The following AOC3 variants were observed in gnomAD, a reference collection of about 807,000 sequenced individuals.
AOC3 encodes the protein amine oxidase [copper-containing] 3.
A neutral mutation model predicts 55.4 loss-of-function variants in AOC3; 47 were observed. The ratio of observed to expected loss-of-function variants is 0.85; its 90% CI spans 0.67 to 1.08. The LOEUF (loss-of-function observed/expected upper bound fraction) is 1.08, where lower values mean the gene tolerates loss of function less well. Ranked by LOEUF, AOC3 falls within the 50% of genes least tolerant of loss-of-function variation. The pLI is 0.00. For missense variants in AOC3, 853 were observed against 993.1 expected, an observed-to-expected ratio of 0.86 and a Z score of 1.90; for synonymous variants, 386 against 410.7, an observed-to-expected ratio of 0.94 and a Z score of 0.73.
Position 42,856,394 on chromosome 17 carries a change from C to T in AOC3, c.2136C>T (p.Asp712=), listed in dbSNP as rs769070236. The T allele has an allele frequency of 1.2e-5, 19 of 1,614,062 alleles. No individual in the cohort carries two copies. Among genetic ancestry groups the T allele is most frequent in the South Asian group, 6.6e-5 (6 of 91,084 alleles). The change falls in exon 4 of 4, where the codon GAC becomes GAT. Residue 712 remains aspartate (D), a synonymous_variant. Transcript: ENST00000308423. The part of the protein sequence containing the change: ...GFFLRPYNFF[D]EDPSFYSADS... ...TCCTCCGACCCTATAACTTCTTTGA[C>T]GAAGACCCCTCCTTCTACTCTGCCG...
rs113870367 is a variant in AOC3, at chr17:42,856,247, C to T, written c.2017-28C>T. 4.0e-5 allele frequency: 65 copies of T among 1,608,972 alleles called. No homozygotes were observed. The South Asian group carries it at 5.0e-4, about 12-fold the overall frequency. On this transcript the variant is annotated intron_variant, in intron 3 of 3. Coordinates refer to ENST00000308423, the MANE Select transcript of AOC3 (RefSeq NM_003734.4). The stretch of plus-strand genomic sequence containing the variant: ...GCATGTCCTCAGCAAAGCCAGACCT[C>T]GTGATCCTCTTTCTTCTCCCCTGCT...
chr17:42,854,541 C>T lies in AOC3; in HGVS notation c.1694C>T (p.Thr565Ile). The T allele has an allele frequency of 6.2e-7, 1 of 1,610,800 alleles. No individual in the cohort carries two copies. Among genetic ancestry groups the T allele is most frequent in the Non-Finnish European group, 8.5e-7 (1 of 1,178,424 alleles). ...CACCAGCTGCAGAGGCTGCAGGTGA[C>T]CCGGAAGCTGCTGGAGATGGAGGAG... is the stretch of plus-strand genomic sequence containing the variant. ...PEHQLQRLQV[T>I]RKLLEMEEQA... Residue 565 changes from threonine (T) to isoleucine (I), a missense_variant, in exon 2 of 4, where the codon ACC becomes ATC. Coordinates refer to ENST00000308423, the MANE Select transcript of AOC3 (RefSeq NM_003734.4).
rs558176347 is a variant in AOC3, at chr17:42,852,494, A to G, written c.1151A>G (p.Tyr384Cys). ...GNSPAAMTTR[Y>C]VDGGFGMGKY... ...TCCCCAGCAGCAATGACGACCCGCTATGTGGATGGAGGCTTTGGCATGGGC... is the reference window on the plus strand; with the variant it reads ...TCCCCAGCAGCAATGACGACCCGCTGTGTGGATGGAGGCTTTGGCATGGGC... Residue 384 changes from tyrosine to cysteine, a missense_variant, in exon 1 of 4, where the codon TAT becomes TGT. Physicochemically the swap from Tyr to Cys is radical, Grantham distance 194 (BLOSUM62 -2). Coordinates refer to ENST00000308423, the MANE Select transcript of AOC3 (RefSeq NM_003734.4). 1.9e-4 allele frequency: 309 copies of G among 1,614,210 alleles called. 5 individuals are homozygous for G. The South Asian group carries it at 3.1e-3, about 16-fold the overall frequency.
chr17:42,852,870 C>T lies in AOC3; in HGVS notation c.1527C>T (p.Asn509=), dbSNP rs1250452328. 1.9e-6 allele frequency: 3 copies of T among 1,613,300 alleles called. No individual in the cohort carries two copies. The highest frequency in any genetic ancestry group is 2.5e-6 in the Non-Finnish European group (3 of 1,179,334). The change falls in exon 1 of 4, where the codon AAC becomes AAT. Residue 509 remains asparagine (N), a synonymous_variant. Transcript: ENST00000308423. ...TTGGTGCTACTGGGAAGTACGGGAA[C>T]CAAGTGTCAGAGCACACCCTGGGCA... The part of the protein sequence containing the change: ...FLFGATGKYG[N]QVSEHTLGTV...
In AOC3 at chr17:42,854,132, T is replaced by C. The variant is rs544829713; in HGVS notation, c.1601-316T>C. 7 of 218,528 alleles carry C rather than the reference T, an allele frequency of 3.2e-5. No homozygotes were observed. The South Asian group carries it at 1.3e-3, about 40-fold the overall frequency. 13.5% of individuals were successfully genotyped at this position (218,528 alleles called of 1,614,324 possible). On this transcript the variant is annotated intron_variant, in intron 1 of 3. Transcript: ENST00000308423. ...ACAGGACAGGCCAGTCAGTGGTTTG[T>C]CTGTCTGCGTGGAAAGCAAGAGGGT...
Position 42,851,445 on chromosome 17 carries a change from A to T in AOC3, c.102A>T (p.Glu34Asp). The T allele has an allele frequency of 1.2e-6, 2 of 1,614,016 alleles. No individual in the cohort carries two copies. Among genetic ancestry groups the T allele is most frequent in the Non-Finnish European group, 1.7e-6 (2 of 1,179,988 alleles). The change falls in exon 1 of 4, where the codon GAA (glutamate) becomes GAT (aspartate). Residue 34 changes from glutamate to aspartate, a missense_variant. Coordinates refer to ENST00000308423, the MANE Select transcript of AOC3 (RefSeq NM_003734.4). ...TGGGCAGGGGTGGAGATGGGGGTGA[A>T]CCCAGCCAGCTTCCCCATTGCCCCT... ...LLVGRGGDGG[E>D]PSQLPHCPSV...
rs1238852762 is a variant in AOC3 at position 42,856,423 on chromosome 17, C to A, written c.2165C>A (p.Ser722Tyr). ...DEDPSFYSAD[S>Y]IYFRGDQDAG... Reference sequence around the variant, plus strand: ...GACCCCTCCTTCTACTCTGCCGACTCCATCTACTTCCGAGGGGACCAGGAT... The same window carrying A: ...GACCCCTCCTTCTACTCTGCCGACTACATCTACTTCCGAGGGGACCAGGAT... The change falls in exon 4 of 4, where the codon TCC becomes TAC. Residue 722 changes from serine (S) to tyrosine (Y), a missense_variant. Coordinates refer to ENST00000308423, the MANE Select transcript of AOC3 (RefSeq NM_003734.4). 5 of 1,614,072 alleles carry A rather than the reference C, an allele frequency of 3.1e-6. No homozygotes were observed. The highest frequency in any genetic ancestry group is 4.2e-6 in the Non-Finnish European group (5 of 1,180,030).
rs1372429919 is a variant in AOC3 at position 42,854,580 on chromosome 17, T to C, written c.1733T>C (p.Leu578Pro). 2 of 1,610,062 alleles carry C rather than the reference T, an allele frequency of 1.2e-6. No individual in the cohort carries two copies. The highest frequency in any genetic ancestry group is 1.7e-6 in the Non-Finnish European group (2 of 1,178,082). The change falls in exon 2 of 4, where the codon CTC becomes CCC. Residue 578 changes from leucine to proline, a missense_variant. Coordinates refer to ENST00000308423, the MANE Select transcript of AOC3 (RefSeq NM_003734.4). ...LLEMEEQAAF[L>P]VGSATPRYLY... ...GAGATGGAGGAGCAGGCCGCCTTCC[T>C]CGTGGGAAGCGCCACCCCTCGCTAC...
At chr17:42,854,773 G>T (rs1358549201) in intron 2 of AOC3, 40 bp downstream of exon 2, 1 of 1,448,346 alleles carries the variant, frequency 6.9e-7, no homozygotes. Flanking sequence ...GGCAGTGAGA[G>T]TGGGAAAGGA....
In AOC3 at chr17:42,852,759, CTA is replaced by C. The variant is rs752161602; in HGVS notation, c.1418_1419del (p.Tyr473CysfsTer83). The C allele has an allele frequency of 1.6e-4, 258 of 1,614,176 alleles. No individual in the cohort carries two copies. Among genetic ancestry groups the C allele is most frequent in the Non-Finnish European group, 1.7e-4 (202 of 1,179,988 alleles). ...RSMSTLLNYDYVWDTVFHPSG... is the reference protein window; with the variant it reads ...RSMSTLLNYDXVWDTVFHPSG... ...CTATGTCCACCTTGCTCAACTATGA[CTA>C]TGTGTGGGATACGGTCTTCCACCCC... On this transcript the variant is annotated frameshift_variant, in exon 1 of 4. Coordinates refer to ENST00000308423, the MANE Select transcript of AOC3 (RefSeq NM_003734.4). LOFTEE classifies it high-confidence loss of function.
At chr17:42,855,345 A>G (rs891977208) in intron 2 of AOC3, 99 bp from the exon 3 acceptor site, 28 of 1,492,340 alleles carry the variant, frequency 1.9e-5, no homozygotes, top group African/African-American at 4.2e-5. Context: ...TGTGACTGCA[A>G]TTGGGGAAGC....
In AOC3 at chr17:42,857,560, A is replaced by G. The variant is rs540517159; in HGVS notation, c.*1010A>G. 20 of 152,400 alleles carry G rather than the reference A, an allele frequency of 1.3e-4. No homozygotes were observed. Among genetic ancestry groups the G allele is most frequent in the African/African-American group, 4.6e-4 (19 of 41,554 alleles). The allele number at this position is 152,400 out of a possible 1,614,324, so 9.4% of individuals were successfully genotyped here. A position where few individuals can be genotyped will look rare whatever the true frequency, so the allele number is the denominator to read the frequency against. Reference sequence around the variant, plus strand: ...CCACCCAGCCAGGAGGGGCTGTCCAATCACATTCAGGCATGCGAATGAGCT... The same window carrying G: ...CCACCCAGCCAGGAGGGGCTGTCCAGTCACATTCAGGCATGCGAATGAGCT... On this transcript the variant is annotated 3_prime_UTR_variant, in exon 4 of 4. Coordinates refer to ENST00000308423, the MANE Select transcript of AOC3 (RefSeq NM_003734.4).
At position 42,851,923 on chromosome 17, in the gene AOC3, C is replaced by T; in HGVS notation, c.580C>T (p.Leu194Phe). The change falls in exon 1 of 4, where the codon CTT (leucine) becomes TTT (phenylalanine). Residue 194 changes from leucine to phenylalanine, a missense_variant. Coordinates refer to ENST00000308423, the MANE Select transcript of AOC3 (RefSeq NM_003734.4). ...FNRELPQASG[L>F]LHHCCFYKHR... ...CAGAGAGCTGCCCCAGGCTTCTGGGCTTCTCCACCACTGTTGCTTCTACAA... is the reference window on the plus strand; with the variant it reads ...CAGAGAGCTGCCCCAGGCTTCTGGGTTTCTCCACCACTGTTGCTTCTACAA... 6.2e-7 allele frequency: 1 copy of T among 1,613,784 alleles called. No individual in the cohort carries two copies.
Position 42,857,473 on chromosome 17 carries a change from G to C in AOC3, c.*923G>C, listed in dbSNP as rs1439871513. The C allele has an allele frequency of 2.0e-5, 3 of 152,348 alleles. No homozygotes were observed. The East Asian group carries it at 5.6e-4, about 29-fold the overall frequency. The allele number at this position is 152,348 out of a possible 1,614,324, so 9.4% of individuals were successfully genotyped here. A position where few individuals can be genotyped will look rare whatever the true frequency, so the allele number is the denominator to read the frequency against. On this transcript the variant is annotated 3_prime_UTR_variant, in exon 4 of 4. Coordinates refer to ENST00000308423, the MANE Select transcript of AOC3 (RefSeq NM_003734.4). Reference sequence around the variant, plus strand: ...GTATTCTGCAACAGCCTGTTTGGGAGGCTGGAGTGGAAACAAAGGGTGGGC... The same window carrying C: ...GTATTCTGCAACAGCCTGTTTGGGACGCTGGAGTGGAAACAAAGGGTGGGC...
In AOC3 at chr17:42,852,159, C is replaced by T; in HGVS notation, c.816C>T (p.Asp272=). ...TGTTCTATCAAGGCCGCTACTACGA[C>T]AGCCTGGCCCAGCTGGAGGCCCAGT... ...QKVFYQGRYY[D]SLAQLEAQFE... The change falls in exon 1 of 4, where the codon GAC becomes GAT. Residue 272 remains aspartate, a synonymous_variant. Coordinates refer to ENST00000308423, the MANE Select transcript of AOC3 (RefSeq NM_003734.4). The T allele has an allele frequency of 6.2e-7, 1 of 1,613,948 alleles. No homozygotes were observed. Among genetic ancestry groups the T allele is most frequent in the South Asian group, 1.1e-5 (1 of 91,076 alleles).
rs1271122321 is a variant in AOC3 at position 42,856,465 on chromosome 17, T to G, written c.2207T>G (p.Val736Gly). 10 of 1,613,020 alleles carry G rather than the reference T, an allele frequency of 6.2e-6. No individual in the cohort carries two copies. Among genetic ancestry groups the G allele is most frequent in the Non-Finnish European group, 8.5e-6 (10 of 1,179,418 alleles). ...RGDQDAGACE[V>G]NPLACLPQAA... ...GACCAGGATGCTGGGGCCTGCGAGG[T>G]CAACCCCCTAGCTTGCCTGCCCCAG... is the stretch of plus-strand genomic sequence containing the variant. The change falls in exon 4 of 4, where the codon GTC becomes GGC. Residue 736 changes from valine to glycine, a missense_variant. By Grantham distance (109) the Val-to-Gly change is moderately radical. Transcript: ENST00000308423.
At position 42,852,910 on chromosome 17, in the gene AOC3, A is replaced by G; in HGVS notation, c.1567A>G (p.Ser523Gly). Residue 523 changes from serine to glycine, a missense_variant, in exon 1 of 4, where the codon AGC becomes GGC. By Grantham distance (56) the Ser-to-Gly change is moderately conservative. Coordinates refer to ENST00000308423, the MANE Select transcript of AOC3 (RefSeq NM_003734.4). ...EHTLGTVHTH[S>G]AHFKVDLDVA... ...CACCCTGGGCACGGTCCACACCCACAGCGCCCACTTCAAGGTGGATCTGGA... is the reference window on the plus strand; with the variant it reads ...CACCCTGGGCACGGTCCACACCCACGGCGCCCACTTCAAGGTGGATCTGGA... The G allele has an allele frequency of 6.2e-7, 1 of 1,608,362 alleles. No individual in the cohort carries two copies.
Position 42,852,855 on chromosome 17 carries a change from T to C in AOC3, c.1512T>C (p.Thr504=), listed in dbSNP as rs2055695212. 1.2e-6 allele frequency: 2 copies of C among 1,613,714 alleles called. No homozygotes were observed. The highest frequency in any genetic ancestry group is 1.1e-5 in the South Asian group (1 of 91,088). Residue 504 remains threonine (T), a synonymous_variant, in exon 1 of 4, where the codon ACT becomes ACC. Coordinates refer to ENST00000308423, the MANE Select transcript of AOC3 (RefSeq NM_003734.4). The stretch of plus-strand genomic sequence containing the variant: ...GCTCGGCATTCCTCTTTGGTGCTAC[T>C]GGGAAGTACGGGAACCAAGTGTCAG... The part of the protein sequence containing the change: ...YISSAFLFGA[T]GKYGNQVSEH...
At position 42,854,661 on chromosome 17, in the gene AOC3, T is replaced by C. The variant is rs2055723226; in HGVS notation, c.1814T>C (p.Ile605Thr). The part of the protein sequence containing the change: ...NKWGHPRGYR[I>T]QMLSFAGEPL... ...TGGGGTCACCCCCGGGGCTACCGCA[T>C]CCAGATGCTCAGCTTTGCTGGAGAG... Residue 605 changes from isoleucine to threonine, a missense_variant, in exon 2 of 4, where the codon ATC becomes ACC. Transcript: ENST00000308423. 10 of 1,533,478 alleles carry C rather than the reference T, an allele frequency of 6.5e-6. No homozygotes were observed. The highest frequency in any genetic ancestry group is 7.9e-6 in the Non-Finnish European group (9 of 1,134,604). The allele number at this position is 1,533,478 out of a possible 1,614,324, so 95.0% of individuals were successfully genotyped here. A position where few individuals can be genotyped will look rare whatever the true frequency, so the allele number is the denominator to read the frequency against.
Sources: allele counts gnomAD v4.1 joint callset, GRCh38; gene constraint gnomAD v4.1.1; transcripts MANE v1.5; gene names NCBI Gene and HGNC (gene_info 2026-07-23, HGNC 2026-07-21).